CNTNAP2: variants seen among roughly 807,000 people sequenced by gnomAD.
The protein encoded by CNTNAP2 is contactin-associated protein-like 2.
Under a neutral mutation model 155.2 loss-of-function variants are expected in CNTNAP2, and 98 were observed. The ratio of observed to expected loss-of-function variants is 0.63; its 90% CI spans 0.54 to 0.75. The LOEUF is 0.75. Among genes scored for constraint, CNTNAP2 ranks in the 30% least tolerant of loss-of-function variants. CNTNAP2 has a pLI of 0.00. For synonymous variants in CNTNAP2, 651 were observed against 631.2 expected (o/e 1.03, Z -0.47); for missense variants, 1,727 against 1,688.1 (o/e 1.02, Z -0.40).
At chr7:147,434,083 C>T (rs561406414) in intron 10 of CNTNAP2, among the ~76,000 whole-genome samples, 13 of 152,200 alleles carry the variant, frequency 8.5e-5, no homozygotes, top group African/African-American at 3.1e-4. Flanking sequence ...TGTCACAGAG[C>T]CTGCAAGGTT....
At chr7:147,468,798 TG>T (rs1230245108) in intron 10 of CNTNAP2, among the ~76,000 whole-genome samples, 1 of 152,060 alleles carries the variant, frequency 6.6e-6, no homozygotes, top group African/African-American at 2.4e-5. Flanking sequence ...AGTAGCAGGA[TG>T]GAAACTGCCT....
At chr7:147,699,438 C>T (rs763232307) in intron 13 of CNTNAP2, among the ~76,000 whole-genome samples, 24 of 151,614 alleles carry the variant, frequency 1.6e-4, no homozygotes, top group Admixed American at 2.6e-4. Flanking sequence ...CATTACACAC[C>T]GGGGCCTGTC....
At chr7:146,538,514 G>A (rs1797903601) in intron 1 of CNTNAP2, among the ~76,000 whole-genome samples, 4 of 152,146 alleles carry the variant, frequency 2.6e-5, no homozygotes, top group Middle Eastern at 6.8e-3. Flanking sequence ...AAGTCCTGTG[G>A]AGTTAAGGCA....
At chr7:146,301,285 A>G (rs1213504189) in intron 1 of CNTNAP2, among the ~76,000 whole-genome samples, 1 of 152,174 alleles carries the variant, frequency 6.6e-6, no homozygotes, top group African/African-American at 2.4e-5. Flanking sequence ...AGACTATTCC[A>G]TAATTTCTTT....
At chr7:146,767,289 A>C (rs1055559811) in intron 1 of CNTNAP2, among the ~76,000 whole-genome samples, 16 of 152,200 alleles carry the variant, frequency 1.1e-4, no homozygotes, top group African/African-American at 3.9e-4. Flanking sequence ...AAAGATCTCT[A>C]ATATAAAATG....
chr7:146,844,239 C>T (rs180759716), intron 3 of CNTNAP2, among the ~76,000 whole-genome samples: 111 of 152,078 alleles, frequency 7.3e-4, no homozygotes, highest in African/African-American at 2.5e-3. Flanking sequence ...GAAAAGATTC[C>T]TAAAGAATGG....
At chr7:146,304,353 T>G (rs912120938) in intron 1 of CNTNAP2, among the ~76,000 whole-genome samples, 5 of 152,154 alleles carry the variant, frequency 3.3e-5, no homozygotes, top group Non-Finnish European at 7.4e-5. Context: ...TGATGCAATT[T>G]CTTCCTAGCA....
chr7:146,212,555 A>G (rs1799052409), intron 1 of CNTNAP2, among the ~76,000 whole-genome samples: 1 of 152,174 alleles, frequency 6.6e-6, no homozygotes, highest in Non-Finnish European at 1.5e-5. Flanking sequence ...TGACCAGAGT[A>G]TTTTGCCATA....
chr7:147,049,766 T>G (rs1015946915), intron 4 of CNTNAP2, among the ~76,000 whole-genome samples: 14 of 151,788 alleles, frequency 9.2e-5, no homozygotes, highest in South Asian at 2.1e-4. Context: ...GCCAGAAAAC[T>G]AGAGAGAGAG....
intron 1 of CNTNAP2, among the ~76,000 whole-genome samples, chr7:146,119,943 G>C (rs1374415935): frequency 6.6e-6 from 1 of 151,538 alleles, no homozygotes; most frequent in Non-Finnish European, 1.5e-5. Context: ...ATGTTATAAA[G>C]TACATAGATA....
chr7:146,859,430 T>G (rs1585125816), intron 3 of CNTNAP2, among the ~76,000 whole-genome samples: 1 of 151,984 alleles, frequency 6.6e-6, no homozygotes, highest in South Asian at 2.1e-4. Flanking sequence ...GCCAAGGCGG[T>G]TGGATCACCT....
chr7:147,000,855 T>C (rs1393276810), intron 3 of CNTNAP2, among the ~76,000 whole-genome samples: 1 of 152,156 alleles, frequency 6.6e-6, no homozygotes, highest in East Asian at 1.9e-4. Context: ...AAGGCTGCTA[T>C]AGTTGGCCAG....
chr7:146,215,843 C>T (rs534028007), intron 1 of CNTNAP2, among the ~76,000 whole-genome samples: 5 of 152,226 alleles, frequency 3.3e-5, no homozygotes, highest in Middle Eastern at 3.4e-3. Flanking sequence ...CGGCTGATAT[C>T]GCATTTGCTT....
intron 21 of CNTNAP2, among the ~76,000 whole-genome samples, chr7:148,351,390 G>T (rs1473271496): frequency 6.6e-6 from 1 of 152,096 alleles, no homozygotes; most frequent in Non-Finnish European, 1.5e-5. Context: ...AGTGGGAACA[G>T]CGAGGACAGA....
At chr7:147,106,011 T>C (rs1242492730) in intron 4 of CNTNAP2, among the ~76,000 whole-genome samples, 1 of 152,034 alleles carries the variant, frequency 6.6e-6, no homozygotes, top group Non-Finnish European at 1.5e-5. Context: ...GCATTAACAT[T>C]TGCGTAAATC....
At chr7:146,839,659 C>T in intron 2 of CNTNAP2, 52 bp from the exon 3 acceptor site, 1 of 1,585,764 alleles carries the variant, frequency 6.3e-7, no homozygotes, top group Non-Finnish European at 8.7e-7. Flanking sequence ...GTCAGTTGTA[C>T]AAGTTCAAAT....
At chr7:147,284,877 G>A (rs1466948515) in intron 8 of CNTNAP2, among the ~76,000 whole-genome samples, 2 of 151,880 alleles carry the variant, frequency 1.3e-5, no homozygotes, top group East Asian at 3.9e-4. Flanking sequence ...GGTTTAATTG[G>A]AGGAAATGAC....
chr7:146,325,221 TA>T (rs1277187535), intron 1 of CNTNAP2, among the ~76,000 whole-genome samples: 1 of 152,138 alleles, frequency 6.6e-6, no homozygotes, highest in Non-Finnish European at 1.5e-5. Flanking sequence ...AATATACTTC[TA>T]ATTTATATTT....
chr7:147,802,637 G>C (rs894543282), intron 13 of CNTNAP2, among the ~76,000 whole-genome samples: 3 of 152,182 alleles, frequency 2.0e-5, no homozygotes, highest in East Asian at 1.9e-4. Flanking sequence ...CCAGTCAGGC[G>C]TGGCGGCGCG....
Sources: allele counts gnomAD v4.1 joint callset (sites outside exome capture counted in the v4.1 genomes callset), GRCh38; gene constraint gnomAD v4.1.1; transcripts MANE v1.5; gene names NCBI Gene and HGNC (gene_info 2026-07-23, HGNC 2026-07-21).